The following HIPK1 variants were observed in gnomAD, a reference collection of about 807,000 sequenced individuals.
The protein encoded by HIPK1 is homeodomain-interacting protein kinase 1.
HIPK1 carries 28 observed loss-of-function variants against 117.1 expected under a neutral mutation model. The observed-to-expected ratio is 0.24, with a 90% CI of 0.18 to 0.33. The LOEUF (loss-of-function observed/expected upper bound fraction) is 0.33, where lower values mean the gene tolerates loss of function less well. Ranked by LOEUF, HIPK1 falls within the 10% of genes least tolerant of loss-of-function variation. The pLI, the probability that HIPK1 is intolerant of heterozygous loss-of-function variation, is 1.00. For missense variants in HIPK1, 1,122 were observed against 1,475.1 expected (o/e 0.76, Z 3.92); for synonymous variants, 605 against 562.5 (o/e 1.08, Z -1.07).
In HIPK1 at chr1:113,940,491, G is replaced by C; in HGVS notation, c.108G>C (p.Gln36His). The change falls in exon 2 of 16, where the codon CAG becomes CAC. Residue 36 changes from glutamine to histidine, a missense_variant. Transcript: ENST00000426820. ...CCTCTGGCTGGGATGTTTCAGGACA[G>C]AGTAGCAACGACAAATATTATACCC... ...IEPSGWDVSG[Q>H]SSNDKYYTHS... 1 of 1,614,202 alleles carries C rather than the reference G, an allele frequency of 6.2e-7. No individual in the cohort carries two copies. Among genetic ancestry groups the C allele is most frequent in the Non-Finnish European group, 8.5e-7 (1 of 1,180,040 alleles).
chr1:113,942,302 C>T (rs1670702986), intron 2 of HIPK1, among the ~76,000 whole-genome samples: 1 of 152,134 alleles, frequency 6.6e-6, no homozygotes, highest in Non-Finnish European at 1.5e-5. Context: ...CTCAGGTGAT[C>T]CACCCGCCTC....
chr1:113,968,785 T>C, intron 13 of HIPK1, 137 bp downstream of exon 13: 1 of 685,024 alleles, frequency 1.5e-6, no homozygotes, highest in East Asian at 2.8e-5. Flanking sequence ...CTTTGGGAGG[T>C]TGAGGCCAGC....
chr1:113,956,374 C>T (rs1221013350), intron 5 of HIPK1, among the ~76,000 whole-genome samples: 1 of 152,132 alleles, frequency 6.6e-6, no homozygotes, highest in Non-Finnish European at 1.5e-5. Context: ...CCACCGCGCC[C>T]AGCCCCCAAA....
chr1:113,941,498 G>A lies in HIPK1; in HGVS notation c.1076+39G>A. On this transcript the variant is annotated intron_variant, in intron 2 of 15. Transcript: ENST00000426820. The surrounding 1 kb of genome is among the most constrained non-coding windows in gnomAD (Gnocchi z 4.9). The stretch of plus-strand genomic sequence containing the variant: ...GCTGAAAATCGTATCTTAGGCTAGA[G>A]TTCTGTCCTTATATTTAACATATAC... The A allele has an allele frequency of 7.3e-6, 11 of 1,501,394 alleles. No individual in the cohort carries two copies. The highest frequency in any genetic ancestry group is 9.2e-6 in the Non-Finnish European group (10 of 1,092,800). 93.0% of individuals were successfully genotyped at this position (1,501,394 alleles called of 1,614,324 possible). A position where few individuals can be genotyped will look rare whatever the true frequency, so the allele number is the denominator to read the frequency against.
intron 10 of HIPK1, 98 bp downstream of exon 10, chr1:113,963,619 T>A: frequency 1.4e-6 from 2 of 1,465,952 alleles, no homozygotes; most frequent in Non-Finnish European, 1.8e-6. Flanking sequence ...TTTTCTGGTT[T>A]ATTTTTCAAA....
chr1:113,934,989 C>CG (rs1553265367), intron 1 of HIPK1, among the ~76,000 whole-genome samples: 11 of 67,760 alleles, frequency 1.6e-4, no homozygotes, highest in African/African-American at 6.3e-4. Flanking sequence ...GAACCTGTCT[C>CG]AAAAAAAAAA....
At chr1:113,963,817 A>G (rs1335666396) in intron 10 of HIPK1, among the ~76,000 whole-genome samples, 1 of 152,110 alleles carries the variant, frequency 6.6e-6, no homozygotes, top group African/African-American at 2.4e-5. Flanking sequence ...GCCTAGTGTG[A>G]TAAAAGCTCT....
chr1:113,965,446 A>G (rs1672382928), intron 10 of HIPK1, among the ~76,000 whole-genome samples: 1 of 152,240 alleles, frequency 6.6e-6, no homozygotes, highest in Non-Finnish European at 1.5e-5. Context: ...CAAATGATAC[A>G]TAAAAACATA....
At position 113,929,641 on chromosome 1, in the gene HIPK1, C is replaced by G. The variant is rs547484163; in HGVS notation, c.-3+109C>G. The G allele has an allele frequency of 1.1e-4, 119 of 1,049,218 alleles. No homozygotes were observed. The African/African-American group carries it at 1.9e-3, about 16-fold the overall frequency. The allele number at this position is 1,049,218 out of a possible 1,614,324, so 65.0% of individuals were successfully genotyped here. ...TCGTCGGGTCTGGCGACAACGGCGG[C>G]TGCGGAGCAAGGGGCCCGGCGGTAG... On this transcript the variant is annotated intron_variant, in intron 1 of 15. Transcript: ENST00000426820.
intron 1 of HIPK1, among the ~76,000 whole-genome samples, chr1:113,935,561 T>C (rs1004224530): frequency 2.6e-5 from 4 of 152,254 alleles, no homozygotes; most frequent in African/African-American, 7.2e-5. Flanking sequence ...TTGCTGGATC[T>C]AATGGTAATT....
chr1:113,966,444 A>G (rs1672452833), intron 11 of HIPK1, among the ~76,000 whole-genome samples, 172 bp downstream of exon 11: 2 of 152,224 alleles, frequency 1.3e-5, no homozygotes, highest in African/African-American at 2.4e-5. Context: ...AACTTTGAAT[A>G]TAGGAAAGCA....
In HIPK1 at chr1:113,946,897, C is replaced by T. The variant is rs908290212; in HGVS notation, c.1076+5438C>T. Among the ~76,000 whole-genome samples, 9 of 152,276 alleles carry T rather than the reference C, an allele frequency of 5.9e-5. No individual in the cohort carries two copies. In the East Asian group the frequency reaches 1.5e-3, roughly 26 times the overall value. On this transcript the variant is annotated intron_variant, in intron 2 of 15. Transcript: ENST00000426820. ...GCCTAAGGCAGATGGAACAGCAGCT[C>T]AGGCATTCCTTCTTTATCACTAGTT... is the stretch of plus-strand genomic sequence containing the variant.
rs545397382 is a variant in HIPK1, at chr1:113,961,859, G to A, written c.1982-458G>A. ...CTTGGGAGGCTGTGGCAGAAGAATC[G>A]CTTGAACTTGGGAGCAGAGTTTGCA... On this transcript the variant is annotated intron_variant, in intron 8 of 15. Transcript: ENST00000426820. Among the ~76,000 whole-genome samples, 361 of 145,404 alleles carry A rather than the reference G, an allele frequency of 2.5e-3. 1 individual carries two copies. Among genetic ancestry groups the A allele is most frequent in the Non-Finnish European group, 4.2e-3 (284 of 67,336 alleles).
chr1:113,952,407 C>T (rs1671428696), intron 2 of HIPK1, among the ~76,000 whole-genome samples: 2 of 152,154 alleles, frequency 1.3e-5, no homozygotes, highest in Admixed American at 1.3e-4. Context: ...CAAGACCTGA[C>T]TTGAACCATT....
intron 2 of HIPK1, chr1:113,951,179 T>C (rs1308138547): frequency 1.1e-6 from 1 of 943,172 alleles, no homozygotes; most frequent in Non-Finnish European, 1.3e-6. Context: ...TTTATTATTA[T>C]TGCTATTAGT....
At chr1:113,934,022 A>G (rs1670084904) in intron 1 of HIPK1, among the ~76,000 whole-genome samples, 1 of 152,186 alleles carries the variant, frequency 6.6e-6, no homozygotes. Context: ...CTTTGTTTTT[A>G]CAGAAGATGT....
At chr1:113,952,036 T>C (rs955279672) in intron 2 of HIPK1, among the ~76,000 whole-genome samples, 1 of 151,154 alleles carries the variant, frequency 6.6e-6, no homozygotes, top group Non-Finnish European at 1.5e-5. Flanking sequence ...CCTCCTGGGT[T>C]CAAGCGATTC....
intron 7 of HIPK1, 27 bp downstream of exon 7, chr1:113,957,313 C>G (rs545255578): frequency 6.3e-7 from 1 of 1,581,770 alleles, no homozygotes; most frequent in East Asian, 2.2e-5. Flanking sequence ...TTTGGAAACT[C>G]AAGCTTAAGT....
intron 9 of HIPK1, 98 bp downstream of exon 9, chr1:113,962,536 C>T: frequency 8.3e-7 from 1 of 1,208,750 alleles, no homozygotes; most frequent in Non-Finnish European, 1.1e-6. Flanking sequence ...ACTATAAGAT[C>T]TTTCTTGGTC....
Sources: allele counts gnomAD v4.1 joint callset (sites outside exome capture counted in the v4.1 genomes callset), GRCh38; gene constraint gnomAD v4.1.1; non-coding constraint Gnocchi (gnomAD v3.1); transcripts MANE v1.5; gene names NCBI Gene and HGNC (gene_info 2026-07-23, HGNC 2026-07-21).